Variants in SWT1 observed in about 807,000 individuals in gnomAD.
SWT1 encodes the protein SWT1 RNA endoribonuclease homolog.
Under a neutral mutation model 107.3 loss-of-function variants are expected in SWT1, and 33 were observed. The ratio of observed to expected loss-of-function variants is 0.31; its 90% CI spans 0.23 to 0.41. The LOEUF (loss-of-function observed/expected upper bound fraction) is 0.41, where lower values mean the gene tolerates loss of function less well. Ranked by LOEUF, SWT1 falls within the 10% of genes least tolerant of loss-of-function variation. The pLI is 1.00. For synonymous variants in SWT1, 345 were observed against 348.3 expected, an observed-to-expected ratio of 0.99 and a Z score of 0.11; for missense variants, 898 against 1,028.9, an observed-to-expected ratio of 0.87 and a Z score of 1.74.
chr1:185,238,878 T>C (rs1661074510), intron 16 of SWT1, among the ~76,000 whole-genome samples: 1 of 152,054 alleles, frequency 6.6e-6, no homozygotes, highest in African/African-American at 2.4e-5. Flanking sequence ...TGCTAAATAT[T>C]GTTTTAAAAT....
At chr1:185,249,215 A>G (rs1034995205) in intron 16 of SWT1, among the ~76,000 whole-genome samples, 2 of 152,166 alleles carry the variant, frequency 1.3e-5, no homozygotes, top group African/African-American at 2.4e-5. Flanking sequence ...CTGGTTTCCA[A>G]GAGTGTCCCA....
intron 10 of SWT1, among the ~76,000 whole-genome samples, chr1:185,197,880 A>G (rs1188688054): frequency 6.6e-6 from 1 of 152,082 alleles, no homozygotes; most frequent in African/African-American, 2.4e-5. Flanking sequence ...TGATCTTTCA[A>G]AAAACCAGCT....
intron 3 of SWT1, among the ~76,000 whole-genome samples, chr1:185,168,005 G>C (rs977970387): frequency 2.0e-5 from 3 of 152,020 alleles, no homozygotes; most frequent in Non-Finnish European, 2.9e-5. Context: ...AGCTCTTTAG[G>C]ACATGGATTA....
At chr1:185,199,255 G>T (rs1437754946) in intron 10 of SWT1, among the ~76,000 whole-genome samples, 2 of 152,070 alleles carry the variant, frequency 1.3e-5, no homozygotes, top group African/African-American at 4.8e-5. Flanking sequence ...TACATTTAAG[G>T]TTAATATTGT....
At chr1:185,242,862 CA>C (rs1661341853) in intron 16 of SWT1, among the ~76,000 whole-genome samples, 1 of 151,932 alleles carries the variant, frequency 6.6e-6, no homozygotes, top group Non-Finnish European at 1.5e-5. Flanking sequence ...CTAAAACCAC[CA>C]GATGGAATAA....
chr1:185,201,070 C>G (rs1657831910), intron 10 of SWT1, among the ~76,000 whole-genome samples: 1 of 152,160 alleles, frequency 6.6e-6, no homozygotes, highest in Non-Finnish European at 1.5e-5. Flanking sequence ...ACTGCCTACT[C>G]AAGCTTCAGT....
intron 10 of SWT1, among the ~76,000 whole-genome samples, chr1:185,198,190 T>C (rs1657562624): frequency 6.6e-6 from 1 of 152,212 alleles, no homozygotes; most frequent in Non-Finnish European, 1.5e-5. Context: ...TTCATTTCGT[T>C]ATTTACTCGG....
intron 9 of SWT1, among the ~76,000 whole-genome samples, chr1:185,189,329 C>T (rs367601747): frequency 1.9e-4 from 29 of 152,032 alleles, no homozygotes; most frequent in Non-Finnish European, 1.5e-5. Flanking sequence ...TGTTTTGAGG[C>T]GTAGAGAATG....
chr1:185,198,929 C>T (rs997652730), intron 10 of SWT1, among the ~76,000 whole-genome samples: 1 of 150,656 alleles, frequency 6.6e-6, no homozygotes, highest in East Asian at 2.0e-4. Context: ...GGGCATTTAG[C>T]TCGTTTACAT....
At chr1:185,170,691 A>G (rs1654973583) in intron 4 of SWT1, among the ~76,000 whole-genome samples, 1 of 152,198 alleles carries the variant, frequency 6.6e-6, no homozygotes, top group South Asian at 2.1e-4. Flanking sequence ...GTACGCATTT[A>G]CTTAATTTAG....
intron 12 of SWT1, among the ~76,000 whole-genome samples, chr1:185,205,495 A>G (rs981008542): frequency 2.6e-5 from 4 of 152,212 alleles, no homozygotes; most frequent in East Asian, 1.9e-4. Context: ...CAGCCCCCCA[A>G]GCAGCTGGGA....
intron 15 of SWT1, among the ~76,000 whole-genome samples, chr1:185,225,729 CTAAGA>C (rs1558054807): frequency 6.6e-6 from 1 of 152,138 alleles, no homozygotes; most frequent in Non-Finnish European, 1.5e-5. Flanking sequence ...TAAATACACT[CTAAGA>C]TGTTTGCATA....
At chr1:185,163,135 T>A (rs933324238) in intron 2 of SWT1, among the ~76,000 whole-genome samples, 1 of 152,130 alleles carries the variant, frequency 6.6e-6, no homozygotes, top group African/African-American at 2.4e-5. Context: ...GGCAGCGTCT[T>A]AAGACAGCAA....
At chr1:185,183,997 A>G (rs1489891967) in intron 7 of SWT1, among the ~76,000 whole-genome samples, 1 of 152,084 alleles carries the variant, frequency 6.6e-6, no homozygotes, top group Non-Finnish European at 1.5e-5. Context: ...CACTCCAAAC[A>G]GGGGTTGCAA....
chr1:185,241,285 C>A (rs1478696469), intron 16 of SWT1, among the ~76,000 whole-genome samples: 1 of 152,080 alleles, frequency 6.6e-6, no homozygotes, highest in Non-Finnish European at 1.5e-5. Flanking sequence ...CCATTGTTAT[C>A]TAGAGTGGAG....
chr1:185,203,620 T>A (rs1462335457), intron 11 of SWT1, among the ~76,000 whole-genome samples: 1 of 148,202 alleles, frequency 6.7e-6, no homozygotes, highest in African/African-American at 2.5e-5. Flanking sequence ...AAACTCCGTC[T>A]CAGAAAAAAA....
intron 16 of SWT1, among the ~76,000 whole-genome samples, chr1:185,250,338 G>T (rs1023186977): frequency 5.9e-5 from 9 of 152,130 alleles, no homozygotes; most frequent in African/African-American, 2.2e-4. Context: ...ATTCTAAGAG[G>T]CACTTTAGCT....
At chr1:185,246,679 C>T (rs1328253022) in intron 16 of SWT1, among the ~76,000 whole-genome samples, 8 of 140,438 alleles carry the variant, frequency 5.7e-5, no homozygotes, top group African/African-American at 1.6e-4. Context: ...ATCCAGGCTA[C>T]GGTGCAGTTG....
intron 16 of SWT1, among the ~76,000 whole-genome samples, chr1:185,268,913 C>T (rs1356387416): frequency 7.0e-6 from 1 of 143,740 alleles, no homozygotes; most frequent in Non-Finnish European, 1.5e-5. Context: ...AGTGCAGTGG[C>T]GCGATCTCGC....
Sources: gnomAD v4.1 joint callset for allele counts (sites outside exome capture counted in the v4.1 genomes callset) on GRCh38, gnomAD v4.1.1 for gene constraint, MANE v1.5 for transcripts, NCBI Gene and HGNC (gene_info 2026-07-23, HGNC 2026-07-21) for gene names.